The following VILL variants were observed in gnomAD, a reference collection of about 807,000 sequenced individuals.
VILL encodes villin like.
In VILL, 102 loss-of-function variants were observed where a neutral mutation model predicts 106.3. The ratio of observed to expected loss-of-function variants is 0.96; its 90% CI spans 0.82 to 1.13. VILL has a LOEUF of 1.13. Ranked by LOEUF, VILL falls within the 50% of genes most tolerant of loss-of-function variation. The pLI is 0.00. For synonymous variants in VILL, 431 were observed against 440.3 expected (o/e 0.98, Z 0.27); for missense variants, 1,076 against 1,116.6 (o/e 0.96, Z 0.52).
At position 37,999,388 on chromosome 3, in the gene VILL, T is replaced by G; in HGVS notation, c.1131T>G (p.Pro377=). The G allele has an allele frequency of 6.6e-7, 1 of 1,505,348 alleles. No homozygotes were observed. Among genetic ancestry groups the G allele is most frequent in the Non-Finnish European group, 8.8e-7 (1 of 1,129,968 alleles). The allele number at this position is 1,505,348 out of a possible 1,614,324, so 93.2% of individuals were successfully genotyped here. ...ACGTGGGCAAGCTGCACACCCAGCC[T>G]AAGTTAGCGGCCCAGCTCAGGATGG... The part of the protein sequence containing the change: ...KLDVGKLHTQ[P]KLAAQLRMVD... Residue 377 remains proline (P), a synonymous_variant, in exon 11 of 20, where the codon CCT becomes CCG. Coordinates refer to ENST00000383759, the MANE Select transcript of VILL (RefSeq NM_015873.4).
chr3:37,994,300 G>A lies in VILL; in HGVS notation c.175G>A (p.Asp59Asn). The change falls in exon 4 of 20, where the codon GAC becomes AAC. Residue 59 changes from aspartate to asparagine, a missense_variant. Asp to Asn is a conservative substitution (Grantham distance 23). Transcript: ENST00000383759. Reference protein sequence around the residue: ...SPKATQGASSDLHYWVGKQAG... With the variant: ...SPKATQGASSNLHYWVGKQAG... ...GAAGGCCACGCAGGGGGCGTCCAGC[G>A]ACCTGCACTACTGGGTCGGGAAGCA... is the stretch of plus-strand genomic sequence containing the variant. The A allele has an allele frequency of 6.2e-7, 1 of 1,611,660 alleles. No homozygotes were observed. Among genetic ancestry groups the A allele is most frequent in the Non-Finnish European group, 8.5e-7 (1 of 1,179,850 alleles).
chr3:37,988,601 G>C (rs989842284), upstream of VILL, among the ~76,000 whole-genome samples: 3 of 152,202 alleles, frequency 2.0e-5, no homozygotes, highest in Non-Finnish European at 4.4e-5. Flanking sequence ...GGTGGCTTAC[G>C]CCTGTAATCC....
chr3:38,003,296 C>A lies in VILL; in HGVS notation c.1788C>A (p.Pro596=). The part of the protein sequence containing the change: ...HFWEALGGRA[P]YPSNKRLPEE... ...GGGAGGCCCTGGGAGGCCGGGCCCC[C>A]TACCCCAGCAACAAGAGGTAACAGG... Residue 596 remains proline (P), a synonymous_variant, in exon 15 of 20, where the codon CCC becomes CCA. Coordinates refer to ENST00000383759, the MANE Select transcript of VILL (RefSeq NM_015873.4). 6.2e-7 allele frequency: 1 copy of A among 1,610,828 alleles called. No individual in the cohort carries two copies. Among genetic ancestry groups the A allele is most frequent in the South Asian group, 1.1e-5 (1 of 90,534 alleles).
In VILL at chr3:37,997,458, C is replaced by A; in HGVS notation, c.562-25C>A. ...TGTGAGAGGGCACACTGGTGACACC[C>A]TGACTCCCAGGTCCTCTCCCGCAGG... On this transcript the variant is annotated intron_variant, in intron 6 of 19. Transcript: ENST00000383759. The surrounding 1 kb of genome is among the most constrained non-coding windows in gnomAD (Gnocchi z 4.7). The A allele has an allele frequency of 1.2e-6, 2 of 1,610,726 alleles. No homozygotes were observed. The highest frequency in any genetic ancestry group is 2.2e-5 in the South Asian group (2 of 90,910).
chr3:37,998,413 C>T lies in VILL; in HGVS notation c.942+49C>T. ...GAGGAACAGAGCACTGCCCTGGGGT[C>T]TGAGTGGGGAGGCAGCTCCGCCCCA... is the stretch of plus-strand genomic sequence containing the variant. On this transcript the variant is annotated intron_variant, in intron 9 of 19. Coordinates refer to ENST00000383759, the MANE Select transcript of VILL (RefSeq NM_015873.4). The surrounding 1 kb of genome is among the most constrained non-coding windows in gnomAD (Gnocchi z 4.1). 2 of 1,575,724 alleles carry T rather than the reference C, an allele frequency of 1.3e-6. No homozygotes were observed. The highest frequency in any genetic ancestry group is 8.7e-7 in the Non-Finnish European group (1 of 1,146,870).
At position 37,998,874 on chromosome 3, in the gene VILL, T is replaced by C. The variant is rs766823686; in HGVS notation, c.943-38T>C. 5 of 1,571,874 alleles carry C rather than the reference T, an allele frequency of 3.2e-6. No individual in the cohort carries two copies. In the Admixed American group the frequency reaches 6.9e-5, roughly 22 times the overall value. ...CAGGAGCGGCAGTGGGGCAGTGGAC[T>C]CTCAGGGTCGCAGGACTGACGATGC... On this transcript the variant is annotated intron_variant, in intron 9 of 19. Transcript: ENST00000383759. The surrounding 1 kb of genome is among the most constrained non-coding windows in gnomAD (Gnocchi z 4.1).
Position 38,001,505 on chromosome 3 carries a change from AT to A in VILL, c.1233del (p.His411GlnfsTer42), listed in dbSNP as rs755980639. ...AGGCAGCCCGTGGACCCCAAGCGTC[AT>A]GGACAGCTGTGTGCAGGCAACTGCT... ...LHRQPVDPKR[H>X]GQLCAGNCYL... On this transcript the variant is annotated frameshift_variant, in exon 12 of 20. Coordinates refer to ENST00000383759, the MANE Select transcript of VILL (RefSeq NM_015873.4). LOFTEE classifies it high-confidence loss of function. 6.2e-7 allele frequency: 1 copy of A among 1,614,216 alleles called. No homozygotes were observed. The highest frequency in any genetic ancestry group is 1.7e-5 in the Admixed American group (1 of 60,024).
intron 4 of VILL, 138 bp from the exon 5 acceptor site, chr3:37,995,601 G>C: frequency 1.5e-6 from 1 of 655,912 alleles, no homozygotes; most frequent in South Asian, 1.7e-5. Flanking sequence ...ATACATACAT[G>C]TGTTCACACA....
chr3:37,997,063 C>A lies in VILL; in HGVS notation c.451-14C>A. 6.2e-7 allele frequency: 1 copy of A among 1,612,000 alleles called. No individual in the cohort carries two copies. The highest frequency in any genetic ancestry group is 1.1e-5 in the South Asian group (1 of 90,970). ...GGTGGTATGACACTCTGTCTCTCTC[C>A]CTGGCTCTGGCAGGTGGAGCTCTCC... On this transcript the variant is annotated splice_polypyrimidine_tract_variant and intron_variant, in intron 5 of 19. Coordinates refer to ENST00000383759, the MANE Select transcript of VILL (RefSeq NM_015873.4). The surrounding 1 kb of genome is among the most constrained non-coding windows in gnomAD (Gnocchi z 4.7).
chr3:38,005,910 AG>A lies in VILL; in HGVS notation c.2070del (p.Lys690AsnfsTer44). ...CCGGCCACACCCATCGTGCTGGTCA[AG>A]CAGGGCCATGAGCCTCCCACCTTCA... ...RSPATPIVLV[K>X]QGHEPPTFIG... On this transcript the variant is annotated frameshift_variant, in exon 17 of 20. Transcript: ENST00000383759. LOFTEE classifies it high-confidence loss of function. 6.2e-7 allele frequency: 1 copy of A among 1,614,160 alleles called. No homozygotes were observed. The highest frequency in any genetic ancestry group is 8.5e-7 in the Non-Finnish European group (1 of 1,180,004).
intron 5 of VILL, among the ~76,000 whole-genome samples, chr3:37,996,393 A>G (rs139695077): frequency 2.0e-5 from 3 of 152,310 alleles, no homozygotes; most frequent in African/African-American, 7.2e-5. Context: ...GCAAATCAGA[A>G]CAGTGCCCCT....
Position 38,004,335 on chromosome 3 carries a change from T to TG in VILL, c.1890dup (p.Phe631ValfsTer11), listed in dbSNP as rs1699875577. On this transcript the variant is annotated frameshift_variant, in exon 16 of 20. Transcript: ENST00000383759. LOFTEE classifies it high-confidence loss of function. ...ATGGGCTGCCTGGTCCTCGCAGAAG[T>TG]GGGGTTCTTCAGCCAGGAGGACCTG... 6.2e-7 allele frequency: 1 copy of TG among 1,613,610 alleles called. No individual in the cohort carries two copies. Among genetic ancestry groups the TG allele is most frequent in the African/African-American group, 1.3e-5 (1 of 74,918 alleles).
chr3:38,003,282 G>A lies in VILL; in HGVS notation c.1774G>A (p.Gly592Arg), dbSNP rs1050510636. Residue 592 changes from glycine to arginine, a missense_variant, in exon 15 of 20, where the codon GGA becomes AGA. Transcript: ENST00000383759. ...QEPPHFWEALGGRAPYPSNKR... is the reference protein window; with the variant it reads ...QEPPHFWEALRGRAPYPSNKR... Reference sequence around the variant, plus strand: ...GCCTCCCCACTTCTGGGAGGCCCTGGGAGGCCGGGCCCCCTACCCCAGCAA... The same window carrying A: ...GCCTCCCCACTTCTGGGAGGCCCTGAGAGGCCGGGCCCCCTACCCCAGCAA... 2 of 1,612,820 alleles carry A rather than the reference G, an allele frequency of 1.2e-6. No homozygotes were observed. The highest frequency in any genetic ancestry group is 2.2e-5 in the East Asian group (1 of 44,856).
intron 15 of VILL, 134 bp from the exon 16 acceptor site, chr3:38,004,121 C>A: frequency 1.6e-6 from 2 of 1,266,098 alleles, no homozygotes; most frequent in Non-Finnish European, 2.1e-6. Context: ...CGGGGAGAAA[C>A]CACGGGGCTC....
chr3:38,002,774 C>T lies in VILL; in HGVS notation c.1659+199C>T, dbSNP rs1244695759. ...AGTGACAGGTGGACCTGAGAGTCCGCAGGTCAGAGCCAGGCCCAGGCCGCC... is the reference window on the plus strand; with the variant it reads ...AGTGACAGGTGGACCTGAGAGTCCGTAGGTCAGAGCCAGGCCCAGGCCGCC... On this transcript the variant is annotated intron_variant, in intron 14 of 19. Transcript: ENST00000383759. 6 of 653,626 alleles carry T rather than the reference C, an allele frequency of 9.2e-6. No individual in the cohort carries two copies. The Admixed American group carries it at 1.6e-4, about 17-fold the overall frequency. 40.5% of individuals were successfully genotyped at this position (653,626 alleles called of 1,614,324 possible).
rs774622360 is a variant in VILL, at chr3:37,999,367, G to A, written c.1110G>A (p.Val370=). Residue 370 remains valine (V), a synonymous_variant, in exon 11 of 20, where the codon GTG becomes GTA. Coordinates refer to ENST00000383759, the MANE Select transcript of VILL (RefSeq NM_015873.4). ...RDKSIHVKLD[V]GKLHTQPKLA... ...AATCGATTCATGTAAAGCTGGACGT[G>A]GGCAAGCTGCACACCCAGCCTAAGT... The A allele has an allele frequency of 3.3e-6, 5 of 1,514,702 alleles. No individual in the cohort carries two copies. Among genetic ancestry groups the A allele is most frequent in the South Asian group, 2.6e-5 (2 of 76,968 alleles). The allele number at this position is 1,514,702 out of a possible 1,614,324, so 93.8% of individuals were successfully genotyped here. A position where few individuals can be genotyped will look rare whatever the true frequency, so the allele number is the denominator to read the frequency against.
At chr3:38,002,078 G>A in intron 13 of VILL, 2 of 779,554 alleles carry the variant, frequency 2.6e-6, no homozygotes, top group Non-Finnish European at 4.0e-6. Flanking sequence ...GAGTTGAAAG[G>A]GAGCCAGGGG....
rs1699741463 is a variant in VILL, at chr3:37,998,184, C to T, written c.843+16C>T. On this transcript the variant is annotated intron_variant, in intron 8 of 19. Transcript: ENST00000383759. The surrounding 1 kb of genome is among the most constrained non-coding windows in gnomAD (Gnocchi z 4.1). Reference sequence around the variant, plus strand: ...GCAGGAGGAGGTGAGGAAGGCCTGGCCCCAGCTACTTGCATCCTTCCCCAT... The same window carrying T: ...GCAGGAGGAGGTGAGGAAGGCCTGGTCCCAGCTACTTGCATCCTTCCCCAT... The T allele has an allele frequency of 1.2e-6, 2 of 1,613,912 alleles. No individual in the cohort carries two copies. Among genetic ancestry groups the T allele is most frequent in the South Asian group, 1.1e-5 (1 of 91,078 alleles).
In VILL at chr3:38,002,478, C is replaced by A; in HGVS notation, c.1562C>A (p.Thr521Asn). ...GTGCAAGGCACTGACAGCCACAACA[C>A]CAGGACCATGGAGGTGCCAGCCCGT... ...FQVQGTDSHN[T>N]RTMEVPARAS... The change falls in exon 14 of 20, where the codon ACC becomes AAC. Residue 521 changes from threonine to asparagine, a missense_variant. Physicochemically the swap from Thr to Asn is moderately conservative, Grantham distance 65. Transcript: ENST00000383759. 1 of 1,614,196 alleles carries A rather than the reference C, an allele frequency of 6.2e-7. No individual in the cohort carries two copies. Among genetic ancestry groups the A allele is most frequent in the South Asian group, 1.1e-5 (1 of 91,086 alleles).
Sources: allele counts gnomAD v4.1 joint callset (sites outside exome capture counted in the v4.1 genomes callset), GRCh38; gene constraint gnomAD v4.1.1; non-coding constraint Gnocchi (gnomAD v3.1); transcripts MANE v1.5; gene names NCBI Gene and HGNC (gene_info 2026-07-23, HGNC 2026-07-21).